MBOAT2: variants seen among roughly 807,000 people sequenced by gnomAD.
The protein encoded by MBOAT2 is membrane bound glycerophospholipid O-acyltransferase 2, also known as membrane-bound glycerophospholipid O-acyltransferase 2.
In MBOAT2, 28 loss-of-function variants were observed where a neutral mutation model predicts 63.4. The ratio of observed to expected loss-of-function variants is 0.44; its 90% CI spans 0.33 to 0.61. The LOEUF is 0.61. MBOAT2 is among the 20% of genes least tolerant of loss of function. MBOAT2 has a pLI of 0.03. For missense variants in MBOAT2, 470 were observed against 605.8 expected (o/e 0.78, Z 2.35); for synonymous variants, 211 against 215.6 (o/e 0.98, Z 0.19).
intron 2 of MBOAT2, among the ~76,000 whole-genome samples, chr2:8,946,789 T>A (rs1239193134): frequency 1.3e-5 from 2 of 152,218 alleles, no homozygotes; most frequent in Non-Finnish European, 2.9e-5. Flanking sequence ...TTCTGACTGC[T>A]CCACTGACCG....
chr2:8,886,642 A>G (rs1008044887), intron 5 of MBOAT2, among the ~76,000 whole-genome samples: 2 of 152,238 alleles, frequency 1.3e-5, no homozygotes, highest in Non-Finnish European at 2.9e-5. Context: ...ATCACAATCT[A>G]AACTGTTCTA....
At chr2:8,872,899 T>C (rs1239650414) in intron 8 of MBOAT2, among the ~76,000 whole-genome samples, 1 of 152,256 alleles carries the variant, frequency 6.6e-6, no homozygotes, top group Non-Finnish European at 1.5e-5. Flanking sequence ...CATTGATCCA[T>C]GTATTTTTAT....
chr2:8,931,123 G>A (rs913512051), intron 3 of MBOAT2, among the ~76,000 whole-genome samples: 2 of 152,150 alleles, frequency 1.3e-5, no homozygotes, highest in Non-Finnish European at 2.9e-5. Flanking sequence ...CTTCCACAAT[G>A]GTTGACTAAT....
At position 8,862,683 on chromosome 2, in the gene MBOAT2, C is replaced by G. The variant is rs770604969; in HGVS notation, c.1092G>C (p.Gln364His). Residue 364 changes from glutamine (Q) to histidine (H), a missense_variant, in exon 11 of 13, where the codon CAG becomes CAC. Coordinates refer to ENST00000305997, the MANE Select transcript of MBOAT2 (RefSeq NM_138799.4). The surrounding 1 kb of genome is among the most constrained non-coding windows in gnomAD (Gnocchi z 4.3). ...GCCAAATGGCAGAGAGAATGAACGT[C>G]TGGATAGTTGGACTGAAGGAGGTTC... ...YERTSFSPTIQTFILSAIWHG... is the reference protein window; with the variant it reads ...YERTSFSPTIHTFILSAIWHG... 2 of 1,614,124 alleles carry G rather than the reference C, an allele frequency of 1.2e-6. No homozygotes were observed. The highest frequency in any genetic ancestry group is 2.2e-5 in the South Asian group (2 of 91,070).
intron 1 of MBOAT2, among the ~76,000 whole-genome samples, chr2:8,991,091 T>C (rs552913471): frequency 7.6e-4 from 116 of 152,278 alleles, no homozygotes; most frequent in African/African-American, 2.7e-3. Context: ...AGAAAAGGCA[T>C]GCTGACACTC....
intron 4 of MBOAT2, among the ~76,000 whole-genome samples, chr2:8,898,830 T>G (rs536384616): frequency 1.3e-5 from 2 of 152,350 alleles, no homozygotes; most frequent in South Asian, 4.1e-4. Flanking sequence ...TGAACCATTC[T>G]GCTTCCTCTG....
rs991416326 is a variant in MBOAT2 at position 8,862,896 on chromosome 2, T to C, written c.1053-174A>G. Among the ~76,000 whole-genome samples the C allele has an allele frequency of 6.6e-6, 1 of 152,158 alleles. No homozygotes were observed. The highest frequency in any genetic ancestry group is 2.4e-5 in the African/African-American group (1 of 41,424). The stretch of plus-strand genomic sequence containing the variant: ...TCTCAGGGAGGCTATAGCTATTAAG[T>C]GTCAAATTTAGGAACATAAAGTTAA... On this transcript the variant is annotated intron_variant, in intron 10 of 12. Transcript: ENST00000305997. The surrounding 1 kb of genome is among the most constrained non-coding windows in gnomAD (Gnocchi z 4.3).
At chr2:8,947,856 A>G (rs184027677) in intron 2 of MBOAT2, among the ~76,000 whole-genome samples, 1 of 152,328 alleles carries the variant, frequency 6.6e-6, no homozygotes, top group Admixed American at 6.5e-5. Context: ...CACAATACCC[A>G]TTATGCAGCC....
intron 1 of MBOAT2, among the ~76,000 whole-genome samples, chr2:8,991,622 G>C (rs1458346755): frequency 1.3e-5 from 2 of 152,142 alleles, no homozygotes; most frequent in African/African-American, 2.4e-5. Flanking sequence ...TTCCTTTTAA[G>C]TCTCAGAACA....
intron 2 of MBOAT2, among the ~76,000 whole-genome samples, chr2:8,954,971 C>T (rs1669107765): frequency 6.6e-6 from 1 of 152,216 alleles, no homozygotes; most frequent in Admixed American, 6.5e-5. Context: ...CTGGCCTTGG[C>T]TGCAAGTGTT....
intron 3 of MBOAT2, among the ~76,000 whole-genome samples, chr2:8,916,920 G>A (rs554701159): frequency 6.6e-5 from 10 of 152,120 alleles, no homozygotes; most frequent in African/African-American, 2.2e-4. Flanking sequence ...ATGAAGCTTC[G>A]GTAACCAAGA....
At chr2:8,980,403 C>T (rs551809385) in intron 1 of MBOAT2, among the ~76,000 whole-genome samples, 1 of 152,248 alleles carries the variant, frequency 6.6e-6, no homozygotes, top group East Asian at 1.9e-4. Flanking sequence ...CATTTACAAC[C>T]TCTTTATACC....
At chr2:8,889,336 C>A (rs1663811453) in intron 4 of MBOAT2, among the ~76,000 whole-genome samples, 1 of 152,246 alleles carries the variant, frequency 6.6e-6, no homozygotes, top group African/African-American at 2.4e-5. Flanking sequence ...GATTCACAGA[C>A]CTGGGCCCTT....
At chr2:8,912,614 T>C (rs922498964) in intron 3 of MBOAT2, among the ~76,000 whole-genome samples, 1 of 152,046 alleles carries the variant, frequency 6.6e-6, no homozygotes, top group African/African-American at 2.4e-5. Context: ...AAAAATAAAA[T>C]ACTTAGGAAT....
intron 2 of MBOAT2, among the ~76,000 whole-genome samples, chr2:8,944,309 C>T (rs964531540): frequency 2.0e-5 from 3 of 152,092 alleles, no homozygotes; most frequent in African/African-American, 4.8e-5. Flanking sequence ...TATGCATGTC[C>T]GTGCATGCAC....
intron 6 of MBOAT2, 52 bp from the exon 7 acceptor site, chr2:8,877,265 T>C (rs769386330): frequency 2.0e-6 from 3 of 1,522,696 alleles, no homozygotes; most frequent in Non-Finnish European, 2.7e-6. Flanking sequence ...CTTCAGAACA[T>C]CTGATAGAAT....
intron 2 of MBOAT2, among the ~76,000 whole-genome samples, chr2:8,949,499 T>C (rs868664347): frequency 3.9e-5 from 6 of 152,196 alleles, no homozygotes; most frequent in Middle Eastern, 3.4e-3. Flanking sequence ...CTCTAATCCA[T>C]CTTGAGTTAA....
chr2:8,966,548 A>T (rs1201367101), intron 1 of MBOAT2, among the ~76,000 whole-genome samples: 1 of 152,168 alleles, frequency 6.6e-6, no homozygotes, highest in South Asian at 2.1e-4. Flanking sequence ...ACTTACGTGC[A>T]GCTACGTTTG....
intron 1 of MBOAT2, among the ~76,000 whole-genome samples, chr2:8,970,845 A>G (rs1175964065): frequency 6.6e-6 from 1 of 152,218 alleles, no homozygotes; most frequent in Non-Finnish European, 1.5e-5. Flanking sequence ...CTCTGAATAG[A>G]CCAATAACAG....
Sources: allele counts gnomAD v4.1 joint callset (sites outside exome capture counted in the v4.1 genomes callset), GRCh38; gene constraint gnomAD v4.1.1; non-coding constraint Gnocchi (gnomAD v3.1); transcripts MANE v1.5; gene names NCBI Gene and HGNC (gene_info 2026-07-23, HGNC 2026-07-21).